LARP4B: variants seen among roughly 807,000 people sequenced by gnomAD.
LARP4B encodes the protein La ribonucleoprotein 4B.
Under a neutral mutation model 89.8 loss-of-function variants are expected in LARP4B, and 12 were observed. The observed-to-expected ratio is 0.13, with a 90% CI of 0.09 to 0.22. LARP4B has a LOEUF of 0.22. Among genes scored for constraint, LARP4B ranks in the 10% least tolerant of loss-of-function variants. The probability of loss-of-function intolerance (pLI) is 1.00; values close to 1 mark genes in which losing one functional copy is unlikely to be tolerated. For missense variants in LARP4B, 757 were observed against 947.7 expected (o/e 0.80, Z 2.64); for synonymous variants, 367 against 363.3 (o/e 1.01, Z -0.12).
rs772308241 is a variant in LARP4B at position 825,276 on chromosome 10, C to T, written c.1273G>A (p.Ala425Thr). Reference protein sequence around the residue: ...KSHLRHAIPSAERGPGLLESP... With the variant: ...KSHLRHAIPSTERGPGLLESP... ...TCTAATAACCCAGGTCCCCTCTCTG[C>T]ACTAGGAATCGCATGCCGCAGATGA... The change falls in exon 13 of 18, where the codon GCA (alanine) becomes ACA (threonine). Residue 425 changes from alanine (A) to threonine (T), a missense_variant. Coordinates refer to ENST00000316157, the MANE Select transcript of LARP4B (RefSeq NM_015155.3). 5.6e-6 allele frequency: 9 copies of T among 1,614,196 alleles called. No homozygotes were observed. The East Asian group carries it at 1.8e-4, about 32-fold the overall frequency.
At chr10:817,939 G>A (rs1832150929) in intron 14 of LARP4B, 50 bp from the exon 15 acceptor site, 4 of 1,551,432 alleles carry the variant, frequency 2.6e-6, no homozygotes, top group African/African-American at 1.4e-5. Flanking sequence ...AGAAGGCCAA[G>A]CAGCTTCTCG....
chr10:956,546 C>T, the LARP4B span, among the ~76,000 whole-genome samples: 1 of 152,032 alleles, frequency 6.6e-6, no homozygotes, highest in Non-Finnish European at 1.5e-5. The surrounding 1 kb of genome is among the most constrained non-coding windows in gnomAD (Gnocchi z 4.3). Flanking sequence ...GGAGTTTCAC[C>T]GTGTTAGCCA....
intron 8 of LARP4B, among the ~76,000 whole-genome samples, chr10:833,265 A>AC (rs1564391994): frequency 6.8e-6 from 1 of 147,208 alleles, no homozygotes; most frequent in East Asian, 2.0e-4. Flanking sequence ...AAAAAAAAAA[A>AC]AAAAAAAAAA....
At chr10:839,830 C>G (rs530149388) in intron 7 of LARP4B, among the ~76,000 whole-genome samples, 3 of 152,162 alleles carry the variant, frequency 2.0e-5, no homozygotes, top group Non-Finnish European at 2.9e-5. Context: ...CATGGTCACA[C>G]GGAGACTTTT....
At chr10:920,899 T>C (rs1836960152) in intron 1 of LARP4B, among the ~76,000 whole-genome samples, 1 of 152,204 alleles carries the variant, frequency 6.6e-6, no homozygotes. Context: ...TTATGTTCAC[T>C]ATTATTATTA....
intron 3 of LARP4B, 49 bp from the exon 4 acceptor site, chr10:864,319 A>C: frequency 6.3e-7 from 1 of 1,593,088 alleles, no homozygotes; most frequent in Non-Finnish European, 8.6e-7. Context: ...TCAACCAAAT[A>C]CAATTTTACT....
the LARP4B span, among the ~76,000 whole-genome samples, chr10:976,358 A>C: frequency 6.6e-6 from 1 of 151,250 alleles, no homozygotes. Flanking sequence ...CCTGCCGCGT[A>C]ATGTGTGGCC....
intron 3 of LARP4B, among the ~76,000 whole-genome samples, chr10:869,660 G>A (rs1210706218): frequency 6.6e-6 from 1 of 152,116 alleles, no homozygotes; most frequent in Admixed American, 6.5e-5. Flanking sequence ...GCTGAGGCGG[G>A]TGGATCTCCT....
At chr10:920,117 A>G (rs1007355466) in intron 1 of LARP4B, among the ~76,000 whole-genome samples, 1 of 152,232 alleles carries the variant, frequency 6.6e-6, no homozygotes, top group African/African-American at 2.4e-5. Flanking sequence ...GCTTTCACCA[A>G]TTTCTTTTGA....
In LARP4B at chr10:864,193, G is replaced by A; in HGVS notation, c.219C>T (p.Ser73=). The A allele has an allele frequency of 1.2e-6, 2 of 1,614,182 alleles. No homozygotes were observed. Among genetic ancestry groups the A allele is most frequent in the South Asian group, 2.2e-5 (2 of 91,086 alleles). ...WGAPVLHLEA[S]SAADGVSAAW... is the part of the protein sequence containing the mutation. ...CAGCACTCACACCGTCAGCAGCACT[G>A]CTTGCTTCCAGATGTAACACAGGAG... The change falls in exon 4 of 18, where the codon AGC becomes AGT. Residue 73 remains serine (S), a synonymous_variant. Transcript: ENST00000316157.
chr10:859,163 A>G (rs537029231), intron 5 of LARP4B, among the ~76,000 whole-genome samples: 1 of 151,930 alleles, frequency 6.6e-6, no homozygotes, highest in East Asian at 1.9e-4. Context: ...CCTGTAATCT[A>G]GGCTACTTGG....
chr10:888,943 G>A (rs1835939500), intron 1 of LARP4B, among the ~76,000 whole-genome samples: 1 of 152,166 alleles, frequency 6.6e-6, no homozygotes, highest in African/African-American at 2.4e-5. Context: ...AAATTAGCCG[G>A]GTGTGGTGGC....
chr10:877,406 C>A (rs1010858585), intron 3 of LARP4B, among the ~76,000 whole-genome samples: 1 of 58,790 alleles, frequency 1.7e-5, no homozygotes, highest in African/African-American at 6.2e-5. Context: ...TTCTGAAAAG[C>A]CTTTCAGATG....
chr10:826,209 G>A (rs993076984), intron 11 of LARP4B, among the ~76,000 whole-genome samples: 1 of 152,196 alleles, frequency 6.6e-6, no homozygotes, highest in Non-Finnish European at 1.5e-5. Flanking sequence ...TCCATCACTG[G>A]CAGGAAGTCA....
At chr10:876,311 C>T (rs1390720818) in intron 3 of LARP4B, among the ~76,000 whole-genome samples, 3 of 151,854 alleles carry the variant, frequency 2.0e-5, no homozygotes, top group South Asian at 2.1e-4. Context: ...TTGAACCCAG[C>T]GGGTCAGAGG....
intron 13 of LARP4B, among the ~76,000 whole-genome samples, chr10:824,599 C>T (rs1387591435): frequency 6.6e-6 from 1 of 152,234 alleles, no homozygotes; most frequent in Admixed American, 6.5e-5. Flanking sequence ...ACAGCTAAGA[C>T]CCGTCCTGGC....
chr10:902,638 C>T (rs1193673339), intron 1 of LARP4B, among the ~76,000 whole-genome samples: 3 of 140,236 alleles, frequency 2.1e-5, no homozygotes, highest in Non-Finnish European at 4.7e-5. Flanking sequence ...AACATAAAAT[C>T]TTTTTTTTTT....
At chr10:858,386 C>T (rs1210685039) in intron 5 of LARP4B, among the ~76,000 whole-genome samples, 1 of 152,070 alleles carries the variant, frequency 6.6e-6, no homozygotes, top group African/African-American at 2.4e-5. Flanking sequence ...ATACCATATA[C>T]AAAAATTAAC....
Position 820,852 on chromosome 10 carries a change from G to A in LARP4B, c.1485-7C>T, listed in dbSNP as rs1832315726. ...GTAGCCAAAGGAATTCTTCCTAGAG[G>A]AGTGGAAAGTGAAAGACTGTTATTT... On this transcript the variant is annotated splice_region_variant and splice_polypyrimidine_tract_variant and intron_variant, in intron 13 of 17. Transcript: ENST00000316157. 3 of 1,612,846 alleles carry A rather than the reference G, an allele frequency of 1.9e-6. No individual in the cohort carries two copies. The highest frequency in any genetic ancestry group is 1.7e-6 in the Non-Finnish European group (2 of 1,179,508).
Sources: allele counts gnomAD v4.1 joint callset (sites outside exome capture counted in the v4.1 genomes callset), GRCh38; gene constraint gnomAD v4.1.1; non-coding constraint Gnocchi (gnomAD v3.1); transcripts MANE v1.5; gene names NCBI Gene and HGNC (gene_info 2026-07-23, HGNC 2026-07-21).